Variants in SCLT1 observed in about 807,000 individuals in gnomAD.
SCLT1 encodes sodium channel and clathrin linker 1.
In SCLT1, 78 loss-of-function variants were observed where a neutral mutation model predicts 112.8. That is an observed-to-expected ratio of 0.69 (90% CI 0.58 to 0.83). The LOEUF (loss-of-function observed/expected upper bound fraction) is 0.83. Among genes scored for constraint, SCLT1 ranks in the 40% least tolerant of loss-of-function variants. SCLT1 has a pLI of 0.00. For missense variants in SCLT1, 747 were observed against 770.4 expected (o/e 0.97, Z 0.36); for synonymous variants, 257 against 254.7 (o/e 1.01, Z -0.09).
intron 9 of SCLT1, among the ~76,000 whole-genome samples, chr4:128,987,683 T>A (rs569940624): frequency 6.6e-6 from 1 of 152,114 alleles, no homozygotes; most frequent in South Asian, 2.1e-4. Flanking sequence ...GCCTACAAGA[T>A]CTTTAAAACA....
chr4:128,956,860 T>C (rs1381730610), intron 13 of SCLT1, among the ~76,000 whole-genome samples, 166 bp downstream of exon 13: 1 of 152,140 alleles, frequency 6.6e-6, no homozygotes, highest in African/African-American at 2.4e-5. Flanking sequence ...GAGCCTTTAC[T>C]CAGTTCCTTT....
At chr4:129,076,328 C>T (rs1751461397) in intron 2 of SCLT1, among the ~76,000 whole-genome samples, 1 of 152,064 alleles carries the variant, frequency 6.6e-6, no homozygotes, top group South Asian at 2.1e-4. Flanking sequence ...TTTTCCCCTC[C>T]ATAGCCACTC....
intron 5 of SCLT1, among the ~76,000 whole-genome samples, chr4:129,029,317 C>T (rs1023904806): frequency 9.2e-5 from 14 of 152,000 alleles, no homozygotes; most frequent in African/African-American, 3.4e-4. Context: ...GAAAATGTGG[C>T]ACATATACAC....
chr4:128,883,777 A>G (rs1221660916), downstream of SCLT1, among the ~76,000 whole-genome samples: 1 of 152,228 alleles, frequency 6.6e-6, no homozygotes, highest in Non-Finnish European at 1.5e-5. Flanking sequence ...AGTTCAAACC[A>G]GAGAATAGGA....
At chr4:128,916,597 A>G (rs939060271) in intron 18 of SCLT1, among the ~76,000 whole-genome samples, 2 of 152,208 alleles carry the variant, frequency 1.3e-5, no homozygotes, top group Admixed American at 6.5e-5. Flanking sequence ...GTCCATCATT[A>G]AGGAAGAAAC....
chr4:128,894,882 T>TTAGTAGAGATGG (rs1406514382), intron 18 of SCLT1, among the ~76,000 whole-genome samples: 1 of 152,154 alleles, frequency 6.6e-6, no homozygotes, highest in Non-Finnish European at 1.5e-5. Context: ...ATCACCATGT[T>TTAGTAGAGATGG]GGCCAGGCTG....
intron 6 of SCLT1, among the ~76,000 whole-genome samples, chr4:129,002,882 T>C (rs1743641523): frequency 6.6e-6 from 1 of 152,216 alleles, no homozygotes; most frequent in Admixed American, 6.6e-5. Flanking sequence ...GTGGCAATTC[T>C]TCAGGGATCT....
At chr4:129,002,588 C>T (rs779526777) in intron 6 of SCLT1, among the ~76,000 whole-genome samples, 1 of 151,206 alleles carries the variant, frequency 6.6e-6, no homozygotes, top group African/African-American at 2.4e-5. Flanking sequence ...AACAAATTTA[C>T]AAGAAAAAAA....
At position 128,890,923 on chromosome 4, in the gene SCLT1, G is replaced by A. The variant is rs140836478; in HGVS notation, c.1908+136C>T. 212 of 591,476 alleles carry A rather than the reference G, an allele frequency of 3.6e-4. 1 individual carries two copies. Among genetic ancestry groups the A allele is most frequent in the African/African-American group, 3.2e-3 (175 of 53,968 alleles). 36.6% of individuals were successfully genotyped at this position (591,476 alleles called of 1,614,324 possible). A position where few individuals can be genotyped will look rare whatever the true frequency, so the allele number is the denominator to read the frequency against. ...TTTATTCACATTATATTGCGTGTGGGCTTTTAGGGTTATGGATGATTTCTG... is the reference window on the plus strand; with the variant it reads ...TTTATTCACATTATATTGCGTGTGGACTTTTAGGGTTATGGATGATTTCTG... On this transcript the variant is annotated intron_variant, in intron 19 of 20. Coordinates refer to ENST00000281142, the MANE Select transcript of SCLT1 (RefSeq NM_144643.4).
At chr4:128,972,936 C>A (rs968897179) in intron 9 of SCLT1, among the ~76,000 whole-genome samples, 15 of 152,186 alleles carry the variant, frequency 9.9e-5, no homozygotes, top group Admixed American at 9.8e-4. Context: ...CCTCTACTGG[C>A]ATATAAGGCC....
intron 20 of SCLT1, among the ~76,000 whole-genome samples, chr4:128,888,174 T>G (rs1356414333): frequency 6.6e-6 from 1 of 151,906 alleles, no homozygotes; most frequent in Non-Finnish European, 1.5e-5. Flanking sequence ...GGCCTGTGGC[T>G]AGAGGCTATG....
intron 5 of SCLT1, chr4:128,873,273 G>GAAAAAAAAAAAAAA (rs1553953485): frequency 1.0e-4 from 8 of 78,676 alleles, no homozygotes; most frequent in Middle Eastern, 7.0e-3. Context: ...AAAAAAAAAA[G>GAAAAAAAAAAAAAA]AAAAAAAGAA....
intron 2 of SCLT1, among the ~76,000 whole-genome samples, chr4:129,044,759 A>C (rs2893267): frequency 0.26 from 38,825 of 150,546 alleles, 6,177 homozygotes; most frequent in Non-Finnish European, 0.35. Flanking sequence ...ATTATTTATA[A>C]AACTTGATCT....
In SCLT1 at chr4:129,087,642, T is replaced by C. The variant is rs913606675; in HGVS notation, c.35-5269A>G. 4.0e-5 allele frequency among the ~76,000 whole-genome samples: 6 copies of C among 150,740 alleles called. No individual in the cohort carries two copies. The South Asian group carries it at 8.3e-4, about 21-fold the overall frequency. On this transcript the variant is annotated intron_variant, in intron 1 of 20. Transcript: ENST00000281142. ...AGTGGCACATGCCTGTAGTCCTAGCTACTCAAGAGGGTGAGGCAGGTGGAG... is the reference window on the plus strand; with the variant it reads ...AGTGGCACATGCCTGTAGTCCTAGCCACTCAAGAGGGTGAGGCAGGTGGAG...
rs760699642 is a variant in SCLT1, at chr4:128,965,221, A to G, written c.869+6T>C. The G allele has an allele frequency of 6.7e-7, 1 of 1,484,152 alleles. No individual in the cohort carries two copies. Among genetic ancestry groups the G allele is most frequent in the South Asian group, 1.2e-5 (1 of 86,566 alleles). The allele number at this position is 1,484,152 out of a possible 1,614,324, so 91.9% of individuals were successfully genotyped here. ...TCAACAAAGCTAGGTGCATTTAACA[A>G]TTTACCTTATTTCTAATTGTTTTAT... On this transcript the variant is annotated splice_donor_region_variant and intron_variant, in intron 11 of 20. Transcript: ENST00000281142.
chr4:129,083,150 C>T (rs1466085807), intron 1 of SCLT1, among the ~76,000 whole-genome samples: 2 of 139,418 alleles, frequency 1.4e-5, no homozygotes, highest in Non-Finnish European at 3.0e-5. Flanking sequence ...AAGATCGCAC[C>T]ACTGCACCCC....
At chr4:128,881,314 A>T (rs887208627), downstream of SCLT1, among the ~76,000 whole-genome samples, 3 of 152,230 alleles carry the variant, frequency 2.0e-5, no homozygotes, top group Admixed American at 6.5e-5. Flanking sequence ...GATAAAAGAC[A>T]TTATGGTTAA....
At chr4:129,053,556 G>GTTTT (rs1749035905) in intron 2 of SCLT1, among the ~76,000 whole-genome samples, 21 of 32,428 alleles carry the variant, frequency 6.5e-4, no homozygotes, top group African/African-American at 2.4e-3. Context: ...TGCAATCCCT[G>GTTTT]ATTTTTTTTT....
chr4:128,966,566 T>C (rs1409301933), intron 10 of SCLT1, among the ~76,000 whole-genome samples: 1 of 152,176 alleles, frequency 6.6e-6, no homozygotes, highest in Non-Finnish European at 1.5e-5. Context: ...GAGAAAAGTA[T>C]GTACACATGT....
Sources: allele counts gnomAD v4.1 joint callset (sites outside exome capture counted in the v4.1 genomes callset), GRCh38; gene constraint gnomAD v4.1.1; transcripts MANE v1.5; gene names NCBI Gene and HGNC (gene_info 2026-07-23, HGNC 2026-07-21).